NLGN4X: variants seen among roughly 807,000 people sequenced by gnomAD.
NLGN4X encodes the protein neuroligin 4 X-linked.
Under a neutral mutation model 40.3 loss-of-function variants are expected in NLGN4X, and 3 were observed. The ratio of observed to expected loss-of-function variants is 0.07; its 90% confidence interval spans 0.03 to 0.19. The LOEUF (loss-of-function observed/expected upper bound fraction) is 0.19, where lower values mean the gene tolerates loss of function less well. Ranked by LOEUF, NLGN4X falls within the 10% of genes least tolerant of loss-of-function variation. NLGN4X has a pLI of 1.00. For synonymous variants in NLGN4X, 270 were observed against 306.8 expected, an observed-to-expected ratio of 0.88 and a Z score of 1.25; for missense variants, 382 against 708.3, an observed-to-expected ratio of 0.54 and a Z score of 5.23.
Position 6,117,239 on chromosome X carries a change from T to C in NLGN4X, c.472+33756A>G, listed in dbSNP as rs188801807. Among the ~76,000 whole-genome samples, 9 of 110,863 alleles carry C rather than the reference T, an allele frequency of 8.1e-5. No homozygotes were observed. The East Asian group carries it at 2.3e-3, about 28-fold the overall frequency. ...TGAACCATCTTTTCAGTTAATGCCT[T>C]GGACTCCTCAATTCCTGACTCTCAA... On this transcript the variant is annotated intron_variant, in intron 2 of 5. Transcript: ENST00000381095.
chrX:5,895,569 T>C (rs1272962057), intron 5 of NLGN4X, among the ~76,000 whole-genome samples: 3 of 111,354 alleles, frequency 2.7e-5, no homozygotes, highest in Non-Finnish European at 5.7e-5. Flanking sequence ...ACTAACTATA[T>C]ACTATATGCA....
At chrX:5,943,323 G>A (rs1406649008) in intron 3 of NLGN4X, among the ~76,000 whole-genome samples, 1 of 111,741 alleles carries the variant, frequency 8.9e-6, no homozygotes, top group African/African-American at 3.3e-5. Flanking sequence ...GTTCCTGGAA[G>A]TGGATGCATC....
chrX:5,922,889 A>T (rs1025379516), intron 3 of NLGN4X, among the ~76,000 whole-genome samples: 8 of 111,378 alleles, frequency 7.2e-5, no homozygotes, highest in African/African-American at 2.6e-4. Context: ...AAAATAAAAA[A>T]ATAAAAAATT....
chrX:5,949,197 T>A (rs2034225682), intron 3 of NLGN4X, among the ~76,000 whole-genome samples: 2 of 111,939 alleles, frequency 1.8e-5, no homozygotes, highest in Admixed American at 1.9e-4. Flanking sequence ...AGGGTTCAAC[T>A]CAATTTGCAA....
At chrX:6,143,584 T>G (rs933506074) in intron 2 of NLGN4X, among the ~76,000 whole-genome samples, 1 of 112,618 alleles carries the variant, frequency 8.9e-6, no homozygotes, top group Non-Finnish European at 1.9e-5. Context: ...CTGAAAAAAT[T>G]CTAAATGACC....
intron 2 of NLGN4X, chrX:6,061,543 C>T (rs2037771411): frequency 8.9e-6 from 1 of 111,776 alleles, no homozygotes. Flanking sequence ...CCAATTGGGG[C>T]TTTTACCCCC....
chrX:5,932,815 G>A (rs2033598497), intron 3 of NLGN4X, among the ~76,000 whole-genome samples: 1 of 110,831 alleles, frequency 9.0e-6, no homozygotes, highest in South Asian at 3.8e-4. Context: ...AAATACAGAG[G>A]AAGAACTAAG....
In NLGN4X at chrX:5,891,323, A is replaced by G. The variant is rs1393034275; in HGVS notation, c.*1494T>C. 4.4e-6 allele frequency: 1 copy of G among 227,336 alleles called. No homozygotes were observed. The highest frequency in any genetic ancestry group is 7.9e-6 in the Non-Finnish European group (1 of 126,125). The allele number at this position is 227,336 out of a possible 1,213,427, so 18.7% of individuals were successfully genotyped here. The stretch of plus-strand genomic sequence containing the variant: ...TCCTTTCTTCCCCCATTCTTCTATA[A>G]TATTCACCGTTTGGTGACCGGATAC... On this transcript the variant is annotated 3_prime_UTR_variant, in exon 6 of 6. Coordinates refer to ENST00000381095, the MANE Select transcript of NLGN4X (RefSeq NM_181332.3).
chrX:6,116,464 G>A (rs2039303135), intron 2 of NLGN4X, among the ~76,000 whole-genome samples: 1 of 72,297 alleles, frequency 1.4e-5, no homozygotes, highest in Non-Finnish European at 2.4e-5. Flanking sequence ...CGCCCAGGCT[G>A]GAGTGCAATG....
intron 1 of NLGN4X, among the ~76,000 whole-genome samples, chrX:6,197,427 A>ATTTTTT (rs72412595): frequency 1.3e-5 from 1 of 79,476 alleles, no homozygotes; most frequent in Non-Finnish European, 2.8e-5. Flanking sequence ...ATGCTCAGCT[A>ATTTTTT]TTTTTTTTTT....
intron 1 of NLGN4X, among the ~76,000 whole-genome samples, chrX:6,226,037 G>A (rs1489298730): frequency 4.0e-5 from 3 of 74,088 alleles, no homozygotes; most frequent in Non-Finnish European, 4.8e-5. Flanking sequence ...AATTTCTTAA[G>A]TTGGGTCCAA....
chrX:5,898,041 C>T (rs1012758188), intron 5 of NLGN4X, among the ~76,000 whole-genome samples: 1 of 98,239 alleles, frequency 1.0e-5, no homozygotes, highest in East Asian at 3.3e-4. Context: ...TTCTCTCTCC[C>T]TCCATTTTTT....
chrX:6,045,997 T>C (rs1449630836), intron 2 of NLGN4X, among the ~76,000 whole-genome samples: 1 of 112,007 alleles, frequency 8.9e-6, no homozygotes, highest in Non-Finnish European at 1.9e-5. Context: ...ACTTATTATT[T>C]AGAATTGTAT....
chrX:5,914,171 T>C (rs886526641), intron 3 of NLGN4X, among the ~76,000 whole-genome samples: 1 of 112,363 alleles, frequency 8.9e-6, no homozygotes, highest in Non-Finnish European at 1.9e-5. Context: ...AATCACAGTT[T>C]TTCCTGCTGC....
At chrX:5,947,583 T>C (rs1024406033) in intron 3 of NLGN4X, among the ~76,000 whole-genome samples, 2 of 112,106 alleles carry the variant, frequency 1.8e-5, no homozygotes, top group South Asian at 3.7e-4. Flanking sequence ...GAAAAAAATA[T>C]ATTCTGAAAT....
chrX:6,086,294 T>C (rs1240860553), intron 2 of NLGN4X, among the ~76,000 whole-genome samples: 3 of 112,360 alleles, frequency 2.7e-5, no homozygotes, highest in Admixed American at 9.4e-5. Context: ...CTTTTAAGTA[T>C]ATAAAATTTA....
chrX:6,223,433 C>G (rs925524142), intron 1 of NLGN4X, among the ~76,000 whole-genome samples: 5 of 112,076 alleles, frequency 4.5e-5, no homozygotes, highest in African/African-American at 1.6e-4. Flanking sequence ...TTTAATGTAA[C>G]CACCTGCAGA....
At chrX:6,202,207 A>G (rs924176680) in intron 1 of NLGN4X, among the ~76,000 whole-genome samples, 2 of 111,285 alleles carry the variant, frequency 1.8e-5, no homozygotes, top group Non-Finnish European at 3.8e-5. Flanking sequence ...ACCTGCTGTC[A>G]GAAAAAAAGG....
intron 1 of NLGN4X, among the ~76,000 whole-genome samples, chrX:6,199,691 G>A (rs771598050): frequency 2.2e-4 from 25 of 111,299 alleles, no homozygotes; most frequent in South Asian, 1.1e-3. Context: ...TTCCAGGCAC[G>A]GACCAGAATG....
Sources: gnomAD v4.1 joint callset for allele counts (sites outside exome capture counted in the v4.1 genomes callset) on GRCh38, gnomAD v4.1.1 for gene constraint, MANE v1.5 for transcripts, NCBI Gene and HGNC (gene_info 2026-07-23, HGNC 2026-07-21) for gene names.